THRB: variants seen among roughly 807,000 people sequenced by gnomAD.
THRB encodes the protein thyroid hormone receptor beta.
A neutral mutation model predicts 47.8 loss-of-function variants in THRB; 12 were observed. That is an observed-to-expected ratio of 0.25 (90% confidence interval 0.16 to 0.41). THRB has a LOEUF of 0.41. Among genes scored for constraint, THRB ranks in the 10% least tolerant of loss-of-function variants. The pLI is 1.00. For missense variants in THRB, 348 were observed against 589.2 expected, an observed-to-expected ratio of 0.59 and a Z score of 4.24; for synonymous variants, 218 against 212.2, an observed-to-expected ratio of 1.03 and a Z score of -0.24.
chr3:24,228,694 G>A (rs2047943139), intron 4 of THRB, among the ~76,000 whole-genome samples: 1 of 151,620 alleles, frequency 6.6e-6, no homozygotes. Flanking sequence ...GTGTGCAATG[G>A]CTAAAGGATG....
intron 3 of THRB, among the ~76,000 whole-genome samples, chr3:24,252,179 A>G (rs955697083): frequency 2.6e-5 from 4 of 152,138 alleles, no homozygotes; most frequent in African/African-American, 9.6e-5. Context: ...TATTAAATAT[A>G]CGAAACACTT....
rs1220300225 is a variant in THRB, at chr3:24,119,679, G to A, written c.*3205C>T. 1.3e-5 allele frequency: 2 copies of A among 152,358 alleles called. No homozygotes were observed. Among genetic ancestry groups the A allele is most frequent in the Non-Finnish European group, 2.9e-5 (2 of 68,174 alleles). 9.4% of individuals were successfully genotyped at this position (152,358 alleles called of 1,614,324 possible). On this transcript the variant is annotated 3_prime_UTR_variant, in exon 11 of 11. Transcript: ENST00000646209. ...GAGCTGTCGCCCGGGGCACAGGTGA[G>A]GGGCTTCGCTGGGCTGAGGCATCAA...
At chr3:24,328,191 C>G (rs2061707464) in intron 2 of THRB, among the ~76,000 whole-genome samples, 1 of 152,148 alleles carries the variant, frequency 6.6e-6, no homozygotes, top group Non-Finnish European at 1.5e-5. Flanking sequence ...TAAAATGACA[C>G]AACGTCTTGT....
intron 3 of THRB, among the ~76,000 whole-genome samples, chr3:24,251,524 T>C (rs1223875766): frequency 6.6e-6 from 1 of 152,110 alleles, no homozygotes; most frequent in Non-Finnish European, 1.5e-5. Flanking sequence ...TTATGTATAC[T>C]GAGGATTAGA....
Position 24,165,315 on chromosome 3 carries a change from C to T in THRB, c.284-12825G>A, listed in dbSNP as rs1308492387. ...TGCATGTAGCAATTGCTGCCGGCAG[C>T]TGGGTGCACTTCATATATTTCTTGC... On this transcript the variant is annotated intron_variant, in intron 5 of 10. Transcript: ENST00000646209. 10 of 764,772 alleles carry T rather than the reference C, an allele frequency of 1.3e-5. No individual in the cohort carries two copies. The East Asian group carries it at 1.5e-4, about 11-fold the overall frequency. The allele number at this position is 764,772 out of a possible 1,614,324, so 47.4% of individuals were successfully genotyped here.
At chr3:24,326,120 A>G (rs965226894) in intron 2 of THRB, among the ~76,000 whole-genome samples, 1 of 152,242 alleles carries the variant, frequency 6.6e-6, no homozygotes, top group East Asian at 1.9e-4. Context: ...TATCTGCCCC[A>G]TTCATCTGTA....
chr3:24,351,468 A>T (rs974500710), intron 1 of THRB, among the ~76,000 whole-genome samples: 1 of 152,120 alleles, frequency 6.6e-6, no homozygotes, highest in African/African-American at 2.4e-5. Context: ...ACAATGGTAC[A>T]TATTAGGCAT....
intron 1 of THRB, among the ~76,000 whole-genome samples, chr3:24,411,363 A>G (rs779247513): frequency 4.6e-5 from 7 of 151,918 alleles, no homozygotes; most frequent in Non-Finnish European, 1.0e-4. Context: ...ACATAGGTTA[A>G]GTAGGGACAG....
chr3:24,298,919 A>G (rs2056671666), intron 2 of THRB, among the ~76,000 whole-genome samples: 1 of 152,246 alleles, frequency 6.6e-6, no homozygotes, highest in Non-Finnish European at 1.5e-5. Flanking sequence ...TCACATAGAT[A>G]AGTTTTTTAA....
chr3:24,165,490 T>C, intron 5 of THRB: 1 of 590,432 alleles, frequency 1.7e-6, no homozygotes, highest in Non-Finnish European at 3.0e-6. Context: ...GAAGGGAAGA[T>C]GAATAAACAC....
intron 4 of THRB, among the ~76,000 whole-genome samples, chr3:24,213,326 C>T (rs2046252580): frequency 6.6e-6 from 1 of 152,122 alleles, no homozygotes; most frequent in Non-Finnish European, 1.5e-5. Context: ...TGGGGCTTGA[C>T]AGGGTCAGGA....
At chr3:24,444,854 G>A (rs1247839422) in intron 1 of THRB, among the ~76,000 whole-genome samples, 1 of 152,126 alleles carries the variant, frequency 6.6e-6, no homozygotes, top group Non-Finnish European at 1.5e-5. Context: ...AAAGTGCTGG[G>A]ATTACAGGCA....
chr3:24,228,946 C>G lies in THRB; in HGVS notation c.14G>C (p.Ser5Thr), dbSNP rs1284265411. The part of the protein sequence containing the change: MTPN[S>T]MTENGLTAWD... ...TAAAAAAAAAAAGATACCTGTCATA[C>G]TGTTGGGAGTCATAGGTTAGTAATC... Residue 5 changes from serine (S) to threonine (T), a missense_variant, in exon 4 of 11, where the codon AGT (serine) becomes ACT (threonine). Physicochemically the swap from Ser to Thr is moderately conservative, Grantham distance 58 (BLOSUM62 1). Transcript: ENST00000646209. 2.5e-6 allele frequency: 4 copies of G among 1,612,092 alleles called. No individual in the cohort carries two copies. The highest frequency in any genetic ancestry group is 2.5e-6 in the Non-Finnish European group (3 of 1,178,992).
chr3:24,490,044 AG>A (rs1015114859), intron 1 of THRB, among the ~76,000 whole-genome samples: 5 of 152,300 alleles, frequency 3.3e-5, no homozygotes, highest in African/African-American at 1.2e-4. Context: ...AACTATTTTT[AG>A]GGGCCATATG....
chr3:24,380,216 C>T (rs2065598622), intron 1 of THRB, among the ~76,000 whole-genome samples: 2 of 150,194 alleles, frequency 1.3e-5, no homozygotes, highest in African/African-American at 4.9e-5. Context: ...ATTTTTCCTG[C>T]ATACTACTGC....
At chr3:24,276,739 G>A (rs773547347) in intron 3 of THRB, among the ~76,000 whole-genome samples, 7 of 152,220 alleles carry the variant, frequency 4.6e-5, no homozygotes, top group Non-Finnish European at 1.0e-4. Context: ...TATAACAGAC[G>A]TGGAGTAAGT....
Position 24,174,028 on chromosome 3 carries a change from A to T in THRB, c.283+16046T>A, listed in dbSNP as rs576421408. Among the ~76,000 whole-genome samples the T allele has an allele frequency of 1.8e-3, 276 of 152,118 alleles. 1 individual carries two copies. Among genetic ancestry groups the T allele is most frequent in the Middle Eastern group, 6.8e-3 (2 of 294 alleles). ...TATGACTGGCCACATTTTAAAAAAAATTTTTATTTTACTTCAAGTTCTGGG... is the reference window on the plus strand; with the variant it reads ...TATGACTGGCCACATTTTAAAAAAATTTTTTATTTTACTTCAAGTTCTGGG... On this transcript the variant is annotated intron_variant, in intron 5 of 10. Coordinates refer to ENST00000646209, the MANE Select transcript of THRB (RefSeq NM_001354712.2).
chr3:24,321,868 G>A (rs2058509342), intron 2 of THRB, among the ~76,000 whole-genome samples: 1 of 152,052 alleles, frequency 6.6e-6, no homozygotes, highest in Admixed American at 6.5e-5. Context: ...AAAATAGAAT[G>A]TAGAATATCT....
At chr3:24,191,140 A>T (rs976866505) in intron 4 of THRB, among the ~76,000 whole-genome samples, 1 of 151,836 alleles carries the variant, frequency 6.6e-6, no homozygotes, top group African/African-American at 2.4e-5. Context: ...AATGGGAAAA[A>T]ATGTAATAAT....
Sources: allele counts gnomAD v4.1 joint callset (sites outside exome capture counted in the v4.1 genomes callset), GRCh38; gene constraint gnomAD v4.1.1; transcripts MANE v1.5; gene names NCBI Gene and HGNC (gene_info 2026-07-23, HGNC 2026-07-21).